UNC5D: variants seen among roughly 807,000 people sequenced by gnomAD.
UNC5D encodes unc-5 netrin receptor D, also known as netrin receptor UNC5D.
Under a neutral mutation model 105.4 loss-of-function variants are expected in UNC5D, and 39 were observed. The observed-to-expected ratio is 0.37, with a 90% CI of 0.29 to 0.48. UNC5D has a LOEUF of 0.48. UNC5D is among the 20% of genes least tolerant of loss of function. The pLI is 0.98. For missense variants in UNC5D, 991 were observed against 1,202.4 expected (o/e 0.82, Z 2.60); for synonymous variants, 452 against 450.4 (o/e 1.00, Z -0.04).
chr8:35,624,347 T>A (rs1228678162), intron 4 of UNC5D, among the ~76,000 whole-genome samples: 1 of 152,202 alleles, frequency 6.6e-6, no homozygotes, highest in Non-Finnish European at 1.5e-5. Context: ...GTTAGTGTGT[T>A]TGCAGTGATA....
intron 2 of UNC5D, among the ~76,000 whole-genome samples, chr8:35,565,445 G>A (rs1586144764): frequency 6.6e-6 from 1 of 151,900 alleles, no homozygotes; most frequent in East Asian, 1.9e-4. Context: ...GTCTTTTCTT[G>A]CTGACTTGCT....
At chr8:35,645,985 TTCTA>T (rs1305471909) in intron 4 of UNC5D, among the ~76,000 whole-genome samples, 2 of 152,098 alleles carry the variant, frequency 1.3e-5, no homozygotes, top group African/African-American at 4.8e-5. Flanking sequence ...AAACTAATAT[TTCTA>T]TCTGTTAAGT....
chr8:35,698,007 G>C (rs1826910202), intron 7 of UNC5D, among the ~76,000 whole-genome samples: 1 of 151,884 alleles, frequency 6.6e-6, no homozygotes, highest in South Asian at 2.1e-4. Context: ...CCTCCCTCCT[G>C]AGCAATTTAA....
chr8:35,265,048 G>T (rs1157098859), intron 1 of UNC5D, among the ~76,000 whole-genome samples: 1 of 152,156 alleles, frequency 6.6e-6, no homozygotes, highest in Admixed American at 6.5e-5. Flanking sequence ...TGCTTCTCCA[G>T]GTCTCAGTGC....
intron 1 of UNC5D, among the ~76,000 whole-genome samples, chr8:35,369,201 G>A (rs1802295328): frequency 6.6e-6 from 1 of 152,190 alleles, no homozygotes; most frequent in Admixed American, 6.5e-5. Context: ...CTCTCAGGTA[G>A]TGTCTCTCCC....
chr8:35,380,220 AGG>A (rs1275235132), intron 1 of UNC5D, among the ~76,000 whole-genome samples: 8 of 147,806 alleles, frequency 5.4e-5, no homozygotes, highest in East Asian at 2.0e-4. Flanking sequence ...AGAGAGAGAG[AGG>A]GAGAGAGAGA....
intron 4 of UNC5D, among the ~76,000 whole-genome samples, chr8:35,614,209 T>G (rs1820869491): frequency 6.6e-6 from 1 of 152,208 alleles, no homozygotes; most frequent in Non-Finnish European, 1.5e-5. Flanking sequence ...GGTTCATTTG[T>G]TTCAAATGTG....
At chr8:35,370,475 T>C (rs1802367782) in intron 1 of UNC5D, among the ~76,000 whole-genome samples, 1 of 152,216 alleles carries the variant, frequency 6.6e-6, no homozygotes, top group Non-Finnish European at 1.5e-5. Flanking sequence ...AGATTTCCTA[T>C]GAATATTAAG....
At chr8:35,431,566 C>T (rs1197080622) in intron 1 of UNC5D, among the ~76,000 whole-genome samples, 1 of 152,046 alleles carries the variant, frequency 6.6e-6, no homozygotes, top group Non-Finnish European at 1.5e-5. Context: ...TCTGGCTTTT[C>T]ATTGAGGAAA....
chr8:35,479,052 A>G (rs1057270023), intron 1 of UNC5D, among the ~76,000 whole-genome samples: 3 of 152,204 alleles, frequency 2.0e-5, no homozygotes, highest in Non-Finnish European at 4.4e-5. Flanking sequence ...TTACAGAAAC[A>G]TCTTCAGTAC....
At chr8:35,491,883 G>A (rs1325307576) in intron 1 of UNC5D, among the ~76,000 whole-genome samples, 1 of 152,098 alleles carries the variant, frequency 6.6e-6, no homozygotes, top group Admixed American at 6.6e-5. Flanking sequence ...ATTAGCTTAT[G>A]TGAGAATAGT....
chr8:35,454,460 C>A (rs1808356871), intron 1 of UNC5D, among the ~76,000 whole-genome samples: 1 of 152,146 alleles, frequency 6.6e-6, no homozygotes. Context: ...GCATAAATTT[C>A]CCTTTGTGAA....
At chr8:35,775,330 A>G (rs1802196122) in intron 16 of UNC5D, among the ~76,000 whole-genome samples, 1 of 152,242 alleles carries the variant, frequency 6.6e-6, no homozygotes, top group Admixed American at 6.5e-5. Flanking sequence ...GCTAAAACTG[A>G]CACTGCTCAT....
At chr8:35,302,801 T>G (rs912300037) in intron 1 of UNC5D, among the ~76,000 whole-genome samples, 5 of 152,182 alleles carry the variant, frequency 3.3e-5, no homozygotes, top group African/African-American at 1.2e-4. Flanking sequence ...CTCTGTTAGA[T>G]AAAACAGTCT....
intron 1 of UNC5D, among the ~76,000 whole-genome samples, chr8:35,336,942 G>A (rs1054307548): frequency 1.8e-4 from 28 of 152,170 alleles, no homozygotes; most frequent in African/African-American, 5.8e-4. Context: ...AGATGCCAGC[G>A]AGCAGTTGCT....
At chr8:35,472,561 C>T (rs377482550) in intron 1 of UNC5D, among the ~76,000 whole-genome samples, 74 of 152,124 alleles carry the variant, frequency 4.9e-4, no homozygotes, top group African/African-American at 1.7e-3. Context: ...AATGATAGCA[C>T]ACTTATCAGA....
At chr8:35,514,525 T>C (rs1812989045) in intron 1 of UNC5D, among the ~76,000 whole-genome samples, 1 of 152,208 alleles carries the variant, frequency 6.6e-6, no homozygotes, top group Non-Finnish European at 1.5e-5. Flanking sequence ...AATCTCGCAG[T>C]TGCTAGAAAT....
In UNC5D at chr8:35,548,201, T is replaced by C. The variant is rs148428352; in HGVS notation, c.104-1091T>C. 2.0e-3 allele frequency among the ~76,000 whole-genome samples: 309 copies of C among 152,250 alleles called. 2 individuals carry two copies. Among genetic ancestry groups the C allele is most frequent in the African/African-American group, 7.2e-3 (301 of 41,558 alleles). On this transcript the variant is annotated intron_variant, in intron 1 of 16. Coordinates refer to ENST00000404895, the MANE Select transcript of UNC5D (RefSeq NM_080872.4). Reference sequence around the variant, plus strand: ...AGGAACAATACTTTGCATCCTTCCATCCAATCAAGTTGACACTCCATATTA... The same window carrying C: ...AGGAACAATACTTTGCATCCTTCCACCCAATCAAGTTGACACTCCATATTA...
intron 4 of UNC5D, among the ~76,000 whole-genome samples, chr8:35,619,060 C>T (rs79479648): frequency 6.6e-6 from 1 of 152,126 alleles, no homozygotes; most frequent in Admixed American, 6.5e-5. Context: ...TTCTTTGCCT[C>T]GGAGGATACA....
Sources: gnomAD v4.1 joint callset for allele counts (sites outside exome capture counted in the v4.1 genomes callset) on GRCh38, gnomAD v4.1.1 for gene constraint, MANE v1.5 for transcripts, NCBI Gene and HGNC (gene_info 2026-07-23, HGNC 2026-07-21) for gene names.